Variants in MAPK6 observed in about 807,000 individuals in gnomAD.
MAPK6 encodes ERK-3.
MAPK6 carries 19 observed loss-of-function variants against 59.3 expected under a neutral mutation model. The observed-to-expected ratio is 0.32, with a 90% CI of 0.22 to 0.47. The LOEUF (loss-of-function observed/expected upper bound fraction) is 0.47, where lower values mean the gene tolerates loss of function less well. MAPK6 is among the 20% of genes least tolerant of loss of function. The probability of loss-of-function intolerance (pLI) is 1.00; values close to 1 mark genes in which losing one functional copy is unlikely to be tolerated. For synonymous variants in MAPK6, 316 were observed against 290.3 expected (o/e 1.09, Z -0.90); for missense variants, 724 against 847.9 (o/e 0.85, Z 1.81).
At chr15:51,990,522 A>G (rs998056389) in intron 2 of MAPK6, among the ~76,000 whole-genome samples, 1 of 152,250 alleles carries the variant, frequency 6.6e-6, no homozygotes, top group African/African-American at 2.4e-5. Flanking sequence ...CAGGATAAAA[A>G]TATGGGCTTA....
At chr15:52,033,005 A>G (rs755291067) in intron 1 of MAPK6, among the ~76,000 whole-genome samples, 4 of 151,926 alleles carry the variant, frequency 2.6e-5, no homozygotes, top group South Asian at 2.1e-4. Flanking sequence ...TAATGGAGAC[A>G]GGGTCTCACT....
chr15:52,006,543 C>T (rs2057259268), intron 3 of MAPK6, among the ~76,000 whole-genome samples: 1 of 152,218 alleles, frequency 6.6e-6, no homozygotes. Context: ...CAGAAGTTCA[C>T]AATCATTGTG....
At position 52,038,462 on chromosome 15, in the gene MAPK6, T is replaced by G. The variant is rs533444949; in HGVS notation, c.-631-7368T>G. Among the ~76,000 whole-genome samples, 4 of 152,360 alleles carry G rather than the reference T, an allele frequency of 2.6e-5. No individual in the cohort carries two copies. The South Asian group carries it at 8.3e-4, about 32-fold the overall frequency. On this transcript the variant is annotated intron_variant, in intron 1 of 5. Transcript: ENST00000261845. ...AGCTTTTTTGCCAGTGAGATAGTCT[T>G]ACTTTTCTCTGCTACATTGCATGTA... is the stretch of plus-strand genomic sequence containing the variant.
At chr15:52,035,623 T>TAA (rs766482064) in intron 1 of MAPK6, 3,129 of 126,694 alleles carry the variant, frequency 0.025, 85 homozygotes, top group East Asian at 0.078. Flanking sequence ...GACACCATCT[T>TAA]AAAAAAAAAA....
intron 3 of MAPK6, among the ~76,000 whole-genome samples, chr15:52,057,433 A>C (rs2141115936): frequency 6.6e-6 from 1 of 152,278 alleles, no homozygotes; most frequent in East Asian, 1.9e-4. Context: ...TTGACATACC[A>C]ACCTGCCTCT....
At chr15:51,991,719 A>G (rs1351296522) in intron 2 of MAPK6, among the ~76,000 whole-genome samples, 19 of 152,218 alleles carry the variant, frequency 1.2e-4, no homozygotes, top group Admixed American at 1.2e-3. Flanking sequence ...TAGGTAGGAC[A>G]TAGTGTCTGA....
chr15:52,017,686 A>G (rs951373534), upstream of MAPK6: 2 of 152,256 alleles, frequency 1.3e-5, no homozygotes, highest in South Asian at 2.1e-4. Context: ...CAGCAGTGAC[A>G]CTGGATTAAA....
chr15:52,035,750 C>T (rs985703340), intron 1 of MAPK6: 6 of 152,054 alleles, frequency 3.9e-5, no homozygotes, highest in African/African-American at 1.4e-4. Flanking sequence ...AAATTAAGTT[C>T]GTTATTTGGC....
chr15:52,057,410 A>G lies in MAPK6; in HGVS notation c.701-1223A>G, dbSNP rs117234438. Among the ~76,000 whole-genome samples, 1,301 of 152,222 alleles carry G rather than the reference A, an allele frequency of 8.5e-3. 8 individuals carry two copies. Among genetic ancestry groups the G allele is most frequent in the South Asian group, 0.013 (62 of 4,822 alleles). On this transcript the variant is annotated intron_variant, in intron 3 of 5. Coordinates refer to ENST00000261845, the MANE Select transcript of MAPK6 (RefSeq NM_002748.4). The stretch of plus-strand genomic sequence containing the variant: ...TACTCTCCTTTTGCTACACTTGTCT[A>G]ATTGTTGTTTCTTTGACATACCAAC...
Position 52,064,457 on chromosome 15 carries a change from T to G in MAPK6, c.1623T>G (p.His541Gln). 6.2e-7 allele frequency: 1 copy of G among 1,610,246 alleles called. No homozygotes were observed. The highest frequency in any genetic ancestry group is 8.5e-7 in the Non-Finnish European group (1 of 1,178,968). ...GAACTATTCAGCTTAGTTCCCAGCA[T>G]GAGCCTACTGATGTTGTTGATAAAT... Reference protein sequence around the residue: ...IAGTIQLSSQHEPTDVVDKLN... With the variant: ...IAGTIQLSSQQEPTDVVDKLN... The change falls in exon 6 of 6, where the codon CAT becomes CAG. Residue 541 changes from histidine (H) to glutamine (Q), a missense_variant. Physicochemically the swap from His to Gln is conservative, Grantham distance 24. Transcript: ENST00000261845.
chr15:52,062,664 C>G (rs563473181), intron 5 of MAPK6, among the ~76,000 whole-genome samples: 31 of 152,112 alleles, frequency 2.0e-4, no homozygotes, highest in Admixed American at 5.2e-4. Context: ...ACTCAGGAGG[C>G]TGAGGCAGGA....
At chr15:52,032,068 G>T (rs2141875936) in intron 1 of MAPK6, among the ~76,000 whole-genome samples, 1 of 151,624 alleles carries the variant, frequency 6.6e-6, no homozygotes, top group Admixed American at 6.6e-5. Context: ...TAGAGATAGG[G>T]TTTCACCATG....
At chr15:52,041,574 G>C (rs563550528) in intron 1 of MAPK6, among the ~76,000 whole-genome samples, 57 of 152,228 alleles carry the variant, frequency 3.7e-4, no homozygotes, top group Non-Finnish European at 6.5e-4. Context: ...GTGGATAGAG[G>C]ATGCAGTGAC....
intron 3 of MAPK6, among the ~76,000 whole-genome samples, chr15:52,010,149 T>C (rs2030012215): frequency 6.6e-6 from 1 of 152,166 alleles, no homozygotes; most frequent in Non-Finnish European, 1.5e-5. Context: ...TGTAAAGTGT[T>C]TACCTGAAAC....
At chr15:52,062,246 C>A (rs777668205) in intron 5 of MAPK6, among the ~76,000 whole-genome samples, 1 of 150,932 alleles carries the variant, frequency 6.6e-6, no homozygotes, top group South Asian at 2.2e-4. Flanking sequence ...AGGCTGGTCT[C>A]GAACTCCTGA....
chr15:52,011,832 GTTC>G (rs565654777), intron 3 of MAPK6, among the ~76,000 whole-genome samples: 135 of 152,330 alleles, frequency 8.9e-4, no homozygotes, highest in African/African-American at 3.2e-3. Context: ...ATTACAACGT[GTTC>G]TTCTATAAAC....
intron 4 of MAPK6, among the ~76,000 whole-genome samples, chr15:52,060,311 C>G (rs992469428): frequency 4.6e-5 from 7 of 152,160 alleles, no homozygotes; most frequent in Non-Finnish European, 7.3e-5. Flanking sequence ...GAAAGGCCAT[C>G]TTTCTCACTT....
chr15:52,011,514 C>G (rs1021612835), intron 3 of MAPK6: 5 of 152,204 alleles, frequency 3.3e-5, no homozygotes, highest in African/African-American at 1.2e-4. Context: ...GCATGAGTTA[C>G]AGTGCTTTTG....
At chr15:51,974,875 G>C (rs1403967647) in intron 1 of MAPK6, among the ~76,000 whole-genome samples, 1 of 150,558 alleles carries the variant, frequency 6.6e-6, no homozygotes, top group Non-Finnish European at 1.5e-5. Flanking sequence ...GCACCACCAT[G>C]CCCAGCTAAT....
Sources: allele counts gnomAD v4.1 joint callset (sites outside exome capture counted in the v4.1 genomes callset), GRCh38; gene constraint gnomAD v4.1.1; transcripts MANE v1.5; gene names NCBI Gene and HGNC (gene_info 2026-07-23, HGNC 2026-07-21).